The following ATXN1 variants were observed in gnomAD, a reference collection of about 807,000 sequenced individuals.
ATXN1 encodes ataxin-1.
Under a neutral mutation model 56.4 loss-of-function variants are expected in ATXN1, and 8 were observed. The observed-to-expected ratio is 0.14, with a 90% CI of 0.08 to 0.26. ATXN1 has a LOEUF of 0.26. ATXN1 is among the 10% of genes least tolerant of loss of function. The pLI is 1.00. For missense variants in ATXN1, 987 were observed against 1,106.5 expected (o/e 0.89, Z 1.53); for synonymous variants, 514 against 494.6 (o/e 1.04, Z -0.52).
In ATXN1 at chr6:16,745,832, C is replaced by T. The variant is rs569725472; in HGVS notation, c.-615+7401G>A. On this transcript the variant is annotated intron_variant, in intron 2 of 7. Coordinates refer to ENST00000436367, the MANE Select transcript of ATXN1 (RefSeq NM_001128164.2). ...GAGATTCAAACTCTGCCTACTAAAA[C>T]TGGCTGCTCTGAGAAGCTCCTCCTA... is the stretch of plus-strand genomic sequence containing the variant. Among the ~76,000 whole-genome samples the T allele has an allele frequency of 4.1e-4, 63 of 152,236 alleles. No homozygotes were observed. In the South Asian group the frequency reaches 0.012, roughly 30 times the overall value.
intron 5 of ATXN1, among the ~76,000 whole-genome samples, chr6:16,519,048 C>T (rs2113692693): frequency 6.6e-6 from 1 of 152,288 alleles, no homozygotes; most frequent in East Asian, 1.9e-4. Context: ...ACTTGCCTCA[C>T]AATTTCCTTG....
intron 6 of ATXN1, among the ~76,000 whole-genome samples, chr6:16,423,054 G>A (rs1452294974): frequency 6.6e-6 from 1 of 152,212 alleles, no homozygotes; most frequent in Non-Finnish European, 1.5e-5. Context: ...CAGTGGAATA[G>A]AGCACCAGGG....
chr6:16,665,582 C>G (rs1758408087), intron 2 of ATXN1, among the ~76,000 whole-genome samples: 1 of 152,182 alleles, frequency 6.6e-6, no homozygotes, highest in African/African-American at 2.4e-5. Flanking sequence ...GAACTGCTGA[C>G]CAGGCAGACA....
chr6:16,317,618 C>G (rs56785042), intron 7 of ATXN1, among the ~76,000 whole-genome samples: 2,583 of 152,256 alleles, frequency 0.017, 68 homozygotes, highest in African/African-American at 0.058. Context: ...AGCCACCGCG[C>G]CCAGGGATGG....
At chr6:16,366,317 C>T (rs914236490) in intron 6 of ATXN1, among the ~76,000 whole-genome samples, 6 of 152,156 alleles carry the variant, frequency 3.9e-5, no homozygotes, top group Admixed American at 1.3e-4. Flanking sequence ...CAGAATACCA[C>T]ATTAATTCAG....
At chr6:16,448,971 T>C (rs1393552888) in intron 6 of ATXN1, among the ~76,000 whole-genome samples, 1 of 152,236 alleles carries the variant, frequency 6.6e-6, no homozygotes, top group Non-Finnish European at 1.5e-5. Flanking sequence ...CTTCTGAAGT[T>C]AGATTCTTAG....
At chr6:16,439,664 C>A (rs931528354) in intron 6 of ATXN1, among the ~76,000 whole-genome samples, 1 of 152,024 alleles carries the variant, frequency 6.6e-6, no homozygotes, top group Non-Finnish European at 1.5e-5. Flanking sequence ...TTTCTTGTCC[C>A]TAAAAAGTAT....
chr6:16,482,594 G>A (rs1760461458), intron 6 of ATXN1, among the ~76,000 whole-genome samples: 1 of 152,144 alleles, frequency 6.6e-6, no homozygotes, highest in Admixed American at 6.5e-5. Flanking sequence ...CAATATTTGA[G>A]CACAGAGGTG....
intron 3 of ATXN1, among the ~76,000 whole-genome samples, chr6:16,643,078 TCAC>T (rs1166879989): frequency 6.6e-6 from 1 of 152,046 alleles, no homozygotes; most frequent in African/African-American, 2.4e-5. Flanking sequence ...GAGACCAGCC[TCAC>T]CAATATGGTG....
chr6:16,568,887 G>A (rs1011648301), intron 4 of ATXN1, among the ~76,000 whole-genome samples: 3 of 152,210 alleles, frequency 2.0e-5, no homozygotes, highest in African/African-American at 7.2e-5. Flanking sequence ...TCTTGAGAGA[G>A]AGGAATGGGG....
At chr6:16,753,151 A>C in intron 2 of ATXN1, 82 bp downstream of exon 2, 1 of 428,760 alleles carries the variant, frequency 2.3e-6, no homozygotes, top group Admixed American at 2.5e-5. Context: ...CCAACAAAGT[A>C]AGGGAGCATG....
rs189463894 is a variant in ATXN1 at position 16,573,904 on chromosome 6, C to G, written c.-361+11876G>C. On this transcript the variant is annotated intron_variant, in intron 4 of 7. Transcript: ENST00000436367. ...TCTTCCTGAAGACTCCAATCCCCAG[C>G]CATTTCTCATTCCTCTTCTGAACCT... 5.3e-5 allele frequency among the ~76,000 whole-genome samples: 8 copies of G among 152,346 alleles called. No individual in the cohort carries two copies. In the East Asian group the frequency reaches 1.5e-3, roughly 29 times the overall value.
intron 4 of ATXN1, among the ~76,000 whole-genome samples, chr6:16,556,820 GA>G (rs1745994417): frequency 6.6e-6 from 1 of 152,084 alleles, no homozygotes; most frequent in Non-Finnish European, 1.5e-5. Flanking sequence ...ATAACAGGCA[GA>G]AAAATTATTA....
rs1212210008 is a variant in ATXN1 at position 16,760,588 on chromosome 6, G to C, written c.-730+710C>G. On this transcript the variant is annotated intron_variant, in intron 1 of 7. Transcript: ENST00000436367. This position sits in a 1 kb window ranked among gnomAD's most constrained non-coding sequence, Gnocchi z 5.3. ...TGCGCCCCCCGCCCGGCACCCGGCC[G>C]CGCGCAAAGTCCCGTCCCGGCTGCA... Among the ~76,000 whole-genome samples, 1 of 147,160 alleles carries C rather than the reference G, an allele frequency of 6.8e-6. No homozygotes were observed. Among genetic ancestry groups the C allele is most frequent in the Non-Finnish European group, 1.5e-5 (1 of 66,464 alleles).
chr6:16,313,609 T>C (rs1187634816), intron 7 of ATXN1, among the ~76,000 whole-genome samples: 2 of 151,216 alleles, frequency 1.3e-5, no homozygotes, highest in African/African-American at 2.4e-5. Context: ...CAGGTTGGAG[T>C]GCAGTGGCAC....
chr6:16,397,976 C>A (rs1477240287), intron 6 of ATXN1, among the ~76,000 whole-genome samples: 1 of 152,160 alleles, frequency 6.6e-6, no homozygotes, highest in Non-Finnish European at 1.5e-5. Flanking sequence ...TGTCCAAGGC[C>A]ACATATCTAG....
intron 6 of ATXN1, among the ~76,000 whole-genome samples, chr6:16,380,960 G>A (rs965554717): frequency 1.3e-5 from 2 of 152,220 alleles, no homozygotes; most frequent in Non-Finnish European, 2.9e-5. Context: ...CTGGAGGAGA[G>A]GGGTTCCTAA....
intron 6 of ATXN1, among the ~76,000 whole-genome samples, chr6:16,349,926 C>T (rs1190150609): frequency 6.6e-6 from 1 of 152,186 alleles, no homozygotes; most frequent in Non-Finnish European, 1.5e-5. Flanking sequence ...ACACATAGTA[C>T]ACTGTTTAGA....
intron 5 of ATXN1, among the ~76,000 whole-genome samples, chr6:16,520,718 T>G (rs965438192): frequency 6.6e-6 from 1 of 152,198 alleles, no homozygotes; most frequent in African/African-American, 2.4e-5. Context: ...AATAAACTTT[T>G]TGGGCTTTTC....
Sources: gnomAD v4.1 joint callset for allele counts (sites outside exome capture counted in the v4.1 genomes callset) on GRCh38, gnomAD v4.1.1 for gene constraint, Gnocchi (gnomAD v3.1) non-coding constraint, MANE v1.5 for transcripts, NCBI Gene and HGNC (gene_info 2026-07-23, HGNC 2026-07-21) for gene names.